The following JAZF1 variants were observed in gnomAD, a reference collection of about 807,000 sequenced individuals.
JAZF1 encodes JAZF zinc finger 1, also known as juxtaposed with another zinc finger protein 1.
A neutral mutation model predicts 26.4 loss-of-function variants in JAZF1; 8 were observed. The ratio of observed to expected loss-of-function variants is 0.30; its 90% CI spans 0.18 to 0.55. JAZF1 has a LOEUF of 0.55. Among genes scored for constraint, JAZF1 ranks in the 20% least tolerant of loss-of-function variants. JAZF1 has a pLI of 0.94. For missense variants in JAZF1, 199 were observed against 322.0 expected (o/e 0.62, Z 2.92); for synonymous variants, 126 against 122.3 (o/e 1.03, Z -0.20).
rs1279762706 is a variant in JAZF1 at position 28,034,967 on chromosome 7, A to AGCTAAGACATGAAGGCTGAGCCGTTACC, written c.116-43014_116-42987dup. ...AGCAAGATGAGAACTTACAACGTGA[A>AGCTAAGACATGAAGGCTGAGCCGTTACC]GCTAAGACATGAAGGCTGAGCCGTT... On this transcript the variant is annotated intron_variant, in intron 1 of 4. Coordinates refer to ENST00000283928, the MANE Select transcript of JAZF1 (RefSeq NM_175061.4). Among the ~76,000 whole-genome samples, 199 of 152,244 alleles carry AGCTAAGACATGAAGGCTGAGCCGTTACC rather than the reference A, an allele frequency of 1.3e-3. 2 individuals are homozygous for AGCTAAGACATGAAGGCTGAGCCGTTACC. Among genetic ancestry groups the AGCTAAGACATGAAGGCTGAGCCGTTACC allele is most frequent in the Non-Finnish European group, 1.9e-3 (131 of 67,992 alleles).
chr7:28,160,593 A>T (rs1783269118), intron 1 of JAZF1, among the ~76,000 whole-genome samples: 1 of 152,166 alleles, frequency 6.6e-6, no homozygotes, highest in African/African-American at 2.4e-5. Context: ...CAGCCACAAA[A>T]CATCGTTTTA....
chr7:28,118,517 T>G (rs1784784292), intron 1 of JAZF1, among the ~76,000 whole-genome samples: 1 of 151,884 alleles, frequency 6.6e-6, no homozygotes, highest in Admixed American at 6.6e-5. Flanking sequence ...AAAAAAAGAG[T>G]ATTTTTTAAC....
At chr7:28,105,461 A>G (rs913806107) in intron 1 of JAZF1, among the ~76,000 whole-genome samples, 5 of 152,188 alleles carry the variant, frequency 3.3e-5, no homozygotes, top group Admixed American at 1.3e-4. Flanking sequence ...GCACCTTGGG[A>G]CACTTGAGCC....
intron 1 of JAZF1, among the ~76,000 whole-genome samples, chr7:28,163,147 G>A (rs1783317881): frequency 6.6e-6 from 1 of 152,166 alleles, no homozygotes; most frequent in South Asian, 2.1e-4. Context: ...TGTTTAACAT[G>A]TGCCCCTCAC....
At chr7:27,875,547 C>T (rs1376404461) in intron 3 of JAZF1, among the ~76,000 whole-genome samples, 1 of 152,176 alleles carries the variant, frequency 6.6e-6, no homozygotes, top group Non-Finnish European at 1.5e-5. Context: ...GCCTCACACT[C>T]CTGTTTTTTC....
chr7:27,988,390 T>G (rs1785781062), intron 2 of JAZF1, among the ~76,000 whole-genome samples: 1 of 151,842 alleles, frequency 6.6e-6, no homozygotes, highest in Admixed American at 6.6e-5. Flanking sequence ...TTTTTTTTTT[T>G]TTGAGACAGT....
At chr7:28,158,296 CAAG>C (rs1562606940) in intron 1 of JAZF1, among the ~76,000 whole-genome samples, 2 of 151,790 alleles carry the variant, frequency 1.3e-5, no homozygotes, top group Non-Finnish European at 1.5e-5. Context: ...GATAAAAAGG[CAAG>C]GAGGGGTAGC....
intron 1 of JAZF1, among the ~76,000 whole-genome samples, chr7:28,129,432 T>G (rs1782754425): frequency 6.6e-6 from 1 of 152,130 alleles, no homozygotes; most frequent in Non-Finnish European, 1.5e-5. Flanking sequence ...CATTGTTGAT[T>G]CATTTGGTGT....
At chr7:27,846,424 TAC>T (rs1450765162) in intron 3 of JAZF1, 1 of 468,128 alleles carries the variant, frequency 2.1e-6, no homozygotes, top group Non-Finnish European at 4.4e-6. Flanking sequence ...TATACATATA[TAC>T]ACACAGATTC....
At chr7:28,159,883 C>A (rs535106731) in intron 1 of JAZF1, among the ~76,000 whole-genome samples, 1 of 152,142 alleles carries the variant, frequency 6.6e-6, no homozygotes, top group Non-Finnish European at 1.5e-5. Context: ...TTCACCCAAG[C>A]CCTGATACCC....
At chr7:28,102,193 A>G (rs556898569) in intron 1 of JAZF1, among the ~76,000 whole-genome samples, 123 of 152,358 alleles carry the variant, frequency 8.1e-4, no homozygotes, top group African/African-American at 2.8e-3. Flanking sequence ...ACAGAAAGAG[A>G]TAAGAGATGG....
intron 1 of JAZF1, among the ~76,000 whole-genome samples, chr7:28,016,838 C>T (rs1277075894): frequency 6.6e-6 from 1 of 152,182 alleles, no homozygotes; most frequent in East Asian, 1.9e-4. Context: ...CGAAGACCTA[C>T]TATGTGCCAG....
intron 1 of JAZF1, among the ~76,000 whole-genome samples, chr7:28,130,174 T>C (rs1274653302): frequency 1.3e-5 from 2 of 152,172 alleles, no homozygotes; most frequent in Non-Finnish European, 2.9e-5. Context: ...GCATGCACAT[T>C]ACTGGAGGCC....
chr7:28,120,501 CTTTTTTT>C (rs58448766), intron 1 of JAZF1, among the ~76,000 whole-genome samples: 931 of 59,020 alleles, frequency 0.016, 29 homozygotes, highest in African/African-American at 0.059. Flanking sequence ...ACACACAGTT[CTTTTTTT>C]TTTTTTTTTT....
chr7:28,043,251 C>T (rs1338075355), intron 1 of JAZF1, among the ~76,000 whole-genome samples: 1 of 152,144 alleles, frequency 6.6e-6, no homozygotes, highest in Non-Finnish European at 1.5e-5. Context: ...TAATGGTGGA[C>T]CACTAGCTCT....
intron 1 of JAZF1, among the ~76,000 whole-genome samples, chr7:28,078,283 ATCTT>A (rs1784085475): frequency 6.6e-6 from 1 of 152,226 alleles, no homozygotes; most frequent in Non-Finnish European, 1.5e-5. Context: ...TATGCAAATT[ATCTT>A]TAAGCCTTTC....
In JAZF1 at chr7:28,120,501, C is replaced by CTTTTTTTTTTTTTTTTTTTTTTTTTTT. The variant is rs58448766; in HGVS notation, c.115+59961_115+59962insAAAAAAAAAAAAAAAAAAAAAAAAAAA. On this transcript the variant is annotated intron_variant, in intron 1 of 4. Coordinates refer to ENST00000283928, the MANE Select transcript of JAZF1 (RefSeq NM_175061.4). ...TCTGAACCACTAGCCACACACAGTTCTTTTTTTTTTTTTTTTTTTTTTTTT... is the reference window on the plus strand; with the variant it reads ...TCTGAACCACTAGCCACACACAGTTCTTTTTTTTTTTTTTTTTTTTTTTTTTTTTTTTTTTTTTTTTTTTTTTTTTTT... Among the ~76,000 whole-genome samples the CTTTTTTTTTTTTTTTTTTTTTTTTTTT allele has an allele frequency of 2.7e-4, 16 of 59,012 alleles. 5 individuals are homozygous for CTTTTTTTTTTTTTTTTTTTTTTTTTTT. The East Asian group carries it at 4.4e-3, about 16-fold the overall frequency. The allele number at this position is 59,012 out of a possible 152,430, so 38.7% of individuals were successfully genotyped here.
chr7:27,831,204 T>G lies in JAZF1; in HGVS notation c.*1596A>C, dbSNP rs1782686562. 1 of 223,318 alleles carries G rather than the reference T, an allele frequency of 4.5e-6. No homozygotes were observed. The highest frequency in any genetic ancestry group is 2.2e-5 in the African/African-American group (1 of 44,744). 13.8% of individuals were successfully genotyped at this position (223,318 alleles called of 1,614,324 possible). ...CTTTGAATCCCTCATAATGAAGGATTTTAGAACTTATGAATATAGAGGTTT... is the reference window on the plus strand; with the variant it reads ...CTTTGAATCCCTCATAATGAAGGATGTTAGAACTTATGAATATAGAGGTTT... On this transcript the variant is annotated 3_prime_UTR_variant, in exon 5 of 5. Coordinates refer to ENST00000283928, the MANE Select transcript of JAZF1 (RefSeq NM_175061.4).
chr7:28,058,785 G>GT (rs1783755102), intron 1 of JAZF1, among the ~76,000 whole-genome samples: 1 of 152,014 alleles, frequency 6.6e-6, no homozygotes, highest in Admixed American at 6.6e-5. Flanking sequence ...TTTTCTTCTA[G>GT]TTTTTGTTAC....
Sources: gnomAD v4.1 joint callset for allele counts (sites outside exome capture counted in the v4.1 genomes callset) on GRCh38, gnomAD v4.1.1 for gene constraint, MANE v1.5 for transcripts, NCBI Gene and HGNC (gene_info 2026-07-23, HGNC 2026-07-21) for gene names.